The following SH3GL2 variants were observed in gnomAD, a reference collection of about 807,000 sequenced individuals.
SH3GL2 encodes the protein endophilin-A1.
A neutral mutation model predicts 46.0 loss-of-function variants in SH3GL2; 24 were observed. The observed-to-expected ratio is 0.52, with a 90% CI of 0.38 to 0.73. SH3GL2 has a LOEUF of 0.73. SH3GL2 is among the 30% of genes least tolerant of loss of function. SH3GL2 has a pLI of 0.00. For missense variants in SH3GL2, 413 were observed against 424.2 expected (o/e 0.97, Z 0.23); for synonymous variants, 196 against 147.1 (o/e 1.33, Z -2.40).
chr9:17,655,723 C>T (rs1820058358), intron 1 of SH3GL2, among the ~76,000 whole-genome samples: 1 of 152,206 alleles, frequency 6.6e-6, no homozygotes, highest in Non-Finnish European at 1.5e-5. Flanking sequence ...TTCATGCCCT[C>T]TGGCCTTCTA....
intron 1 of SH3GL2, among the ~76,000 whole-genome samples, chr9:17,624,935 A>G (rs1426361331): frequency 1.3e-5 from 2 of 152,186 alleles, no homozygotes; most frequent in African/African-American, 2.4e-5. Context: ...AGGAAGAACA[A>G]TTTTGATTTG....
intron 1 of SH3GL2, among the ~76,000 whole-genome samples, chr9:17,650,824 C>T (rs116089763): frequency 6.6e-6 from 1 of 152,250 alleles, no homozygotes; most frequent in African/African-American, 2.4e-5. Context: ...TTGAGACTGC[C>T]TTCTGCTGCA....
At chr9:17,765,358 C>T (rs1470183146) in intron 3 of SH3GL2, among the ~76,000 whole-genome samples, 3 of 152,132 alleles carry the variant, frequency 2.0e-5, no homozygotes, top group African/African-American at 7.2e-5. Context: ...CTGGCTTTCA[C>T]GTCTTGGGGG....
At chr9:17,793,233 CT>C in intron 7 of SH3GL2, 133 bp from the exon 8 acceptor site, 2 of 761,140 alleles carry the variant, frequency 2.6e-6, no homozygotes, top group Non-Finnish European at 4.1e-6. Context: ...ACTAAGGGTC[CT>C]TTTTTGATTT....
intron 1 of SH3GL2, among the ~76,000 whole-genome samples, chr9:17,734,193 C>G (rs1295399764): frequency 6.6e-6 from 1 of 152,088 alleles, no homozygotes; most frequent in African/African-American, 2.4e-5. Flanking sequence ...ACTAATTGCC[C>G]TCAACCCTTT....
intron 1 of SH3GL2, among the ~76,000 whole-genome samples, chr9:17,727,468 A>C: frequency 6.6e-6 from 1 of 152,178 alleles, no homozygotes; most frequent in African/African-American, 2.4e-5. Flanking sequence ...TGGTTTCTGC[A>C]GTACAGATGA....
intron 1 of SH3GL2, among the ~76,000 whole-genome samples, chr9:17,739,843 A>G (rs1822472267): frequency 6.6e-6 from 1 of 152,092 alleles, no homozygotes; most frequent in African/African-American, 2.4e-5. Flanking sequence ...ACCTCGGGGA[A>G]ATGGGGCTGA....
chr9:17,636,676 C>G (rs2208499), intron 1 of SH3GL2, among the ~76,000 whole-genome samples: 132,154 of 152,190 alleles, frequency 0.87, 58,981 homozygotes, highest in East Asian at 0.99. Flanking sequence ...ACCCTTATAT[C>G]AACTGGAATT....
chr9:17,720,216 C>T (rs532964123), intron 1 of SH3GL2, among the ~76,000 whole-genome samples: 1 of 152,252 alleles, frequency 6.6e-6, no homozygotes, highest in African/African-American at 2.4e-5. Context: ...GAATTAACTG[C>T]ATCATCTTAT....
At chr9:17,582,420 T>C (rs1367010591) in intron 1 of SH3GL2, among the ~76,000 whole-genome samples, 1 of 152,240 alleles carries the variant, frequency 6.6e-6, no homozygotes, top group Non-Finnish European at 1.5e-5. Context: ...TAGTGAGTTT[T>C]ATTCATATTG....
chr9:17,639,531 C>G (rs1219737792), intron 1 of SH3GL2, among the ~76,000 whole-genome samples: 1 of 152,218 alleles, frequency 6.6e-6, no homozygotes, highest in Non-Finnish European at 1.5e-5. Flanking sequence ...ATACCAAATG[C>G]TGGTGACGAT....
chr9:17,621,439 CTG>C (rs1002717058), intron 1 of SH3GL2, among the ~76,000 whole-genome samples: 1 of 152,196 alleles, frequency 6.6e-6, no homozygotes, highest in Non-Finnish European at 1.5e-5. Context: ...CATTCAATTC[CTG>C]CTTTTTGTAA....
At chr9:17,672,430 G>C (rs985372571) in intron 1 of SH3GL2, among the ~76,000 whole-genome samples, 1 of 152,176 alleles carries the variant, frequency 6.6e-6, no homozygotes, top group Non-Finnish European at 1.5e-5. Flanking sequence ...GCTCAGGTTA[G>C]AGAATAGGGT....
At chr9:17,729,946 C>CT (rs1368413541) in intron 1 of SH3GL2, among the ~76,000 whole-genome samples, 2 of 150,968 alleles carry the variant, frequency 1.3e-5, no homozygotes, top group African/African-American at 2.5e-5. Flanking sequence ...TATACGGGCT[C>CT]TTTTTTTGGT....
chr9:17,657,012 C>G (rs1820097530), intron 1 of SH3GL2, among the ~76,000 whole-genome samples: 1 of 152,086 alleles, frequency 6.6e-6, no homozygotes, highest in East Asian at 1.9e-4. Flanking sequence ...AAAGTGCTCT[C>G]TGATACTATA....
At chr9:17,594,733 T>G (rs1218111099) in intron 1 of SH3GL2, among the ~76,000 whole-genome samples, 1 of 152,146 alleles carries the variant, frequency 6.6e-6, no homozygotes, top group Non-Finnish European at 1.5e-5. Context: ...TCCTTGATGG[T>G]ATCCTCTAGG....
chr9:17,727,945 C>A (rs1262799834), intron 1 of SH3GL2, among the ~76,000 whole-genome samples: 1 of 152,068 alleles, frequency 6.6e-6, no homozygotes, highest in Non-Finnish European at 1.5e-5. Context: ...CTAAGACAGA[C>A]ATGTGGGCAG....
At chr9:17,583,430 C>G (rs1006479591) in intron 1 of SH3GL2, among the ~76,000 whole-genome samples, 1 of 152,098 alleles carries the variant, frequency 6.6e-6, no homozygotes, top group African/African-American at 2.4e-5. Context: ...TCACCCTGTC[C>G]CCTTCCACCG....
chr9:17,727,513 C>T (rs1293813477), intron 1 of SH3GL2, among the ~76,000 whole-genome samples: 1 of 152,156 alleles, frequency 6.6e-6, no homozygotes, highest in East Asian at 1.9e-4. Context: ...CCATGCCCTC[C>T]AGCCCAAGCT....
Sources: allele counts gnomAD v4.1 joint callset (sites outside exome capture counted in the v4.1 genomes callset), GRCh38; gene constraint gnomAD v4.1.1; transcripts MANE v1.5; gene names NCBI Gene and HGNC (gene_info 2026-07-23, HGNC 2026-07-21).